Variants in PDZRN4 observed in about 807,000 individuals in gnomAD.
PDZRN4 encodes the protein PDZ domain-containing RING finger protein 4.
In PDZRN4, 70 loss-of-function variants were observed where a neutral mutation model predicts 99.0. The observed-to-expected ratio is 0.71, with a 90% CI of 0.58 to 0.86. The LOEUF is 0.86. Ranked by LOEUF, PDZRN4 falls within the 40% of genes least tolerant of loss-of-function variation. The pLI is 0.00. For missense variants in PDZRN4, 1,474 were observed against 1,331.2 expected (o/e 1.11, Z -1.67); for synonymous variants, 551 against 501.6 (o/e 1.10, Z -1.32).
chr12:41,205,849 G>A (rs1347059028), intron 3 of PDZRN4, among the ~76,000 whole-genome samples: 1 of 151,830 alleles, frequency 6.6e-6, no homozygotes, highest in Non-Finnish European at 1.5e-5. Flanking sequence ...ACAGAGCATA[G>A]CAGGCTCCCC....
At chr12:41,478,305 G>A (rs1416987741) in intron 3 of PDZRN4, among the ~76,000 whole-genome samples, 3 of 151,952 alleles carry the variant, frequency 2.0e-5, no homozygotes, top group South Asian at 2.1e-4. Context: ...TAGTAAAGAC[G>A]AGGTTTCAGC....
chr12:41,418,538 T>C (rs961168765), intron 3 of PDZRN4, among the ~76,000 whole-genome samples: 3 of 152,208 alleles, frequency 2.0e-5, no homozygotes, highest in East Asian at 3.8e-4. Context: ...TCATGTTTTA[T>C]GCAAATCTAA....
At chr12:41,558,204 AGTCAC>A (rs370408307) in intron 7 of PDZRN4, among the ~76,000 whole-genome samples, 35 of 152,328 alleles carry the variant, frequency 2.3e-4, no homozygotes, top group Middle Eastern at 3.4e-3. Flanking sequence ...TGATGCTCAG[AGTCAC>A]GTTACATCCA....
At chr12:41,327,795 T>C (rs977633615) in intron 3 of PDZRN4, among the ~76,000 whole-genome samples, 2 of 152,166 alleles carry the variant, frequency 1.3e-5, no homozygotes, top group Non-Finnish European at 2.9e-5. Context: ...TGTATGTTGG[T>C]ATATGTATGT....
intron 3 of PDZRN4, among the ~76,000 whole-genome samples, chr12:41,391,629 G>T (rs184331565): frequency 7.9e-5 from 12 of 152,230 alleles, no homozygotes; most frequent in African/African-American, 2.9e-4. Context: ...ACTTCTAACC[G>T]ACCAATTTCT....
chr12:41,551,371 C>A (rs563220101), intron 5 of PDZRN4, among the ~76,000 whole-genome samples: 17 of 152,148 alleles, frequency 1.1e-4, no homozygotes, highest in African/African-American at 4.1e-4. Context: ...TATGTTGAAA[C>A]CCTAATACAA....
intron 3 of PDZRN4, among the ~76,000 whole-genome samples, chr12:41,450,724 C>T (rs1406964389): frequency 6.6e-6 from 1 of 152,014 alleles, no homozygotes; most frequent in Non-Finnish European, 1.5e-5. Flanking sequence ...AAGTTTGAAA[C>T]CAGCCTGGCC....
At chr12:41,228,032 T>C (rs562433800) in intron 3 of PDZRN4, among the ~76,000 whole-genome samples, 2 of 152,216 alleles carry the variant, frequency 1.3e-5, no homozygotes, top group East Asian at 1.9e-4. Context: ...AGGTCTTTGA[T>C]GCCATCCACA....
At chr12:41,227,185 C>A (rs1951000643) in intron 3 of PDZRN4, among the ~76,000 whole-genome samples, 1 of 152,062 alleles carries the variant, frequency 6.6e-6, no homozygotes, top group African/African-American at 2.4e-5. Context: ...AGATGTGTGA[C>A]ATTTAGGGAA....
chr12:41,377,508 CAA>C (rs1196401447), intron 3 of PDZRN4, among the ~76,000 whole-genome samples: 1 of 151,942 alleles, frequency 6.6e-6, no homozygotes, highest in Non-Finnish European at 1.5e-5. Flanking sequence ...ATTAAAAATA[CAA>C]AAAAATTAGC....
chr12:41,328,733 C>T (rs1205164912), intron 3 of PDZRN4, among the ~76,000 whole-genome samples: 1 of 152,100 alleles, frequency 6.6e-6, no homozygotes, highest in South Asian at 2.1e-4. Flanking sequence ...CAGCAGTCTT[C>T]TTTCCAGAAA....
At chr12:41,328,753 T>G (rs1951725428) in intron 3 of PDZRN4, among the ~76,000 whole-genome samples, 1 of 152,078 alleles carries the variant, frequency 6.6e-6, no homozygotes, top group Admixed American at 6.6e-5. Context: ...AAGGATAACA[T>G]GTATCTGTGA....
At chr12:41,195,240 A>G (rs1012745498) in intron 3 of PDZRN4, among the ~76,000 whole-genome samples, 4 of 152,198 alleles carry the variant, frequency 2.6e-5, no homozygotes, top group African/African-American at 7.2e-5. Context: ...TACTTTTATC[A>G]GTGAGTTTAT....
intron 3 of PDZRN4, among the ~76,000 whole-genome samples, chr12:41,502,865 ATC>A (rs1565600144): frequency 1.3e-5 from 2 of 152,104 alleles, no homozygotes; most frequent in East Asian, 3.9e-4. Flanking sequence ...AACACCAAAT[ATC>A]TGTTATTGGT....
chr12:41,351,158 A>G (rs2121039361), intron 3 of PDZRN4, among the ~76,000 whole-genome samples: 1 of 152,252 alleles, frequency 6.6e-6, no homozygotes, highest in African/African-American at 2.4e-5. Context: ...GCATGAAGAC[A>G]TAGATTAGAG....
intron 3 of PDZRN4, among the ~76,000 whole-genome samples, chr12:41,373,117 G>A (rs1952055354): frequency 6.6e-6 from 1 of 152,110 alleles, no homozygotes; most frequent in South Asian, 2.1e-4. Context: ...TATGAATAGG[G>A]TGTGGGTCAC....
At chr12:41,490,407 T>C (rs1429892560) in intron 3 of PDZRN4, among the ~76,000 whole-genome samples, 1 of 152,158 alleles carries the variant, frequency 6.6e-6, no homozygotes, top group African/African-American at 2.4e-5. Flanking sequence ...TTTGCAAGCA[T>C]GCTTTCTCAG....
intron 3 of PDZRN4, among the ~76,000 whole-genome samples, chr12:41,427,198 T>C (rs982956564): frequency 6.6e-5 from 10 of 152,168 alleles, no homozygotes; most frequent in Non-Finnish European, 1.2e-4. Context: ...TGGAGAAAAA[T>C]TGATGCTCCA....
chr12:41,421,207 CT>C (rs1017274906), intron 3 of PDZRN4, among the ~76,000 whole-genome samples: 1 of 151,896 alleles, frequency 6.6e-6, no homozygotes, highest in Admixed American at 6.6e-5. Context: ...CTATTTGTTT[CT>C]TTTTTTTCTT....
Sources: gnomAD v4.1 joint callset for allele counts (sites outside exome capture counted in the v4.1 genomes callset) on GRCh38, gnomAD v4.1.1 for gene constraint, MANE v1.5 for transcripts, NCBI Gene and HGNC (gene_info 2026-07-23, HGNC 2026-07-21) for gene names.